SEMA6D: variants seen among roughly 807,000 people sequenced by gnomAD.
The protein encoded by SEMA6D is semaphorin 6D.
Under a neutral mutation model 106.6 loss-of-function variants are expected in SEMA6D, and 35 were observed. The ratio of observed to expected loss-of-function variants is 0.33; its 90% CI spans 0.25 to 0.44. The LOEUF (loss-of-function observed/expected upper bound fraction) is 0.44, where lower values mean the gene tolerates loss of function less well. Ranked by LOEUF, SEMA6D falls within the 20% of genes least tolerant of loss-of-function variation. SEMA6D has a pLI of 1.00. For synonymous variants in SEMA6D, 499 were observed against 487.7 expected (o/e 1.02, Z -0.31); for missense variants, 1,185 against 1,345.9 (o/e 0.88, Z 1.87).
intron 1 of SEMA6D, among the ~76,000 whole-genome samples, chr15:47,307,346 T>C (rs1052630046): frequency 3.9e-5 from 6 of 152,154 alleles, no homozygotes; most frequent in Non-Finnish European, 1.5e-5. Flanking sequence ...TGCTAGGAGC[T>C]GAAAAACCAT....
intron 3 of SEMA6D, among the ~76,000 whole-genome samples, chr15:47,529,839 T>C (rs2044895195): frequency 6.6e-6 from 1 of 152,198 alleles, no homozygotes; most frequent in Admixed American, 6.5e-5. Context: ...TAATTTTATA[T>C]GAAGGGGTGA....
At chr15:47,354,152 G>A (rs2631689) in intron 1 of SEMA6D, among the ~76,000 whole-genome samples, 69,438 of 146,400 alleles carry the variant, frequency 0.47, 19,398 homozygotes, top group South Asian at 0.62. Context: ...GAATGAAAGA[G>A]CTTATATATA....
At chr15:47,207,960 G>A (rs1895188479) in intron 1 of SEMA6D, among the ~76,000 whole-genome samples, 3 of 150,264 alleles carry the variant, frequency 2.0e-5, no homozygotes, top group African/African-American at 7.4e-5. Context: ...GGGAGTGACT[G>A]TGGAAACAGG....
chr15:47,476,354 T>C (rs1236438202), intron 3 of SEMA6D, among the ~76,000 whole-genome samples: 1 of 152,186 alleles, frequency 6.6e-6, no homozygotes, highest in Non-Finnish European at 1.5e-5. Context: ...TAAAAGCTTT[T>C]ATTTAATAAA....
chr15:47,257,176 G>A (rs576591682), intron 1 of SEMA6D, among the ~76,000 whole-genome samples: 310 of 151,506 alleles, frequency 2.0e-3, no homozygotes, highest in African/African-American at 7.3e-3. Flanking sequence ...TCCTGCCTCA[G>A]CCTCCCAAGT....
chr15:47,557,663 G>T (rs576115011), intron 3 of SEMA6D, among the ~76,000 whole-genome samples: 2 of 152,152 alleles, frequency 1.3e-5, no homozygotes, highest in South Asian at 4.1e-4. Flanking sequence ...CACAGAGAGT[G>T]TATTTGCTGG....
At position 47,389,194 on chromosome 15, in the gene SEMA6D, G is replaced by C. The variant is rs4632075; in HGVS notation, c.-238-23199G>C. Among the ~76,000 whole-genome samples, 5 of 152,056 alleles carry C rather than the reference G, an allele frequency of 3.3e-5. No homozygotes were observed. The East Asian group carries it at 9.7e-4, about 29-fold the overall frequency. On this transcript the variant is annotated intron_variant, in intron 1 of 19. Transcript: ENST00000558014. ...CGTATGTAAAATGGGAATAGTATTC[G>C]TCTCTACTTTATAGAACTGTTGTGA...
intron 4 of SEMA6D, among the ~76,000 whole-genome samples, chr15:47,644,699 C>T (rs573094059): frequency 4.3e-4 from 65 of 152,304 alleles, no homozygotes; most frequent in African/African-American, 1.3e-3. Flanking sequence ...TCTCAGACTT[C>T]CCCTCCAGAA....
intron 1 of SEMA6D, among the ~76,000 whole-genome samples, chr15:47,314,426 G>A (rs746461108): frequency 3.1e-4 from 46 of 149,910 alleles, no homozygotes; most frequent in Non-Finnish European, 5.6e-4. Context: ...GTGAAACCCC[G>A]TCTCTACTAA....
At chr15:47,235,913 G>T (rs2032510417) in intron 1 of SEMA6D, among the ~76,000 whole-genome samples, 2 of 152,030 alleles carry the variant, frequency 1.3e-5, no homozygotes, top group African/African-American at 4.8e-5. Flanking sequence ...TACTACATAA[G>T]AATTCTTTGT....
At chr15:47,750,305 C>G (rs1041297069) in intron 1 of SEMA6D, among the ~76,000 whole-genome samples, 1 of 152,212 alleles carries the variant, frequency 6.6e-6, no homozygotes, top group African/African-American at 2.4e-5. Context: ...AGGAATCCCT[C>G]TAGCCATCAG....
At chr15:47,353,026 G>A (rs562921420) in intron 1 of SEMA6D, among the ~76,000 whole-genome samples, 1 of 151,928 alleles carries the variant, frequency 6.6e-6, no homozygotes, top group East Asian at 1.9e-4. Flanking sequence ...GGTACTATTA[G>A]GGTTTTGATT....
intron 16 of SEMA6D, 119 bp downstream of exon 16, chr15:47,766,796 T>TA: frequency 1.4e-6 from 1 of 728,620 alleles, no homozygotes; most frequent in South Asian, 1.9e-5. Context: ...GCATTTAACT[T>TA]AAACTTCGCA....
chr15:47,330,510 C>G (rs1196628547), intron 1 of SEMA6D, among the ~76,000 whole-genome samples: 1 of 152,156 alleles, frequency 6.6e-6, no homozygotes, highest in Non-Finnish European at 1.5e-5. Flanking sequence ...CTAAACTTGG[C>G]TGAGGAGCTT....
chr15:47,660,095 T>C (rs1470013304), intron 4 of SEMA6D, among the ~76,000 whole-genome samples: 1 of 150,546 alleles, frequency 6.6e-6, no homozygotes, highest in Non-Finnish European at 1.5e-5. Flanking sequence ...CAAGACAAAG[T>C]AAGAATATTA....
chr15:47,461,020 C>G (rs1448041681), intron 2 of SEMA6D, among the ~76,000 whole-genome samples: 1 of 152,144 alleles, frequency 6.6e-6, no homozygotes, highest in Non-Finnish European at 1.5e-5. Flanking sequence ...CACTTCCTCT[C>G]TCTCACTCTG....
intron 4 of SEMA6D, among the ~76,000 whole-genome samples, chr15:47,708,082 G>T (rs144353298): frequency 6.6e-6 from 1 of 151,978 alleles, no homozygotes; most frequent in Non-Finnish European, 1.5e-5. Flanking sequence ...GCATTCTTAC[G>T]TCTGAAACCT....
intron 2 of SEMA6D, among the ~76,000 whole-genome samples, chr15:47,424,958 T>C (rs2041283221): frequency 6.6e-6 from 1 of 151,446 alleles, no homozygotes; most frequent in South Asian, 2.1e-4. Flanking sequence ...TTTAGGGGAG[T>C]CAAATGAGCC....
At chr15:47,541,521 G>A (rs950854773) in intron 3 of SEMA6D, among the ~76,000 whole-genome samples, 2 of 152,180 alleles carry the variant, frequency 1.3e-5, no homozygotes, top group African/African-American at 4.8e-5. Context: ...CATTTTCTAT[G>A]TAGTAAGATG....
Sources: allele counts gnomAD v4.1 joint callset (sites outside exome capture counted in the v4.1 genomes callset), GRCh38; gene constraint gnomAD v4.1.1; transcripts MANE v1.5; gene names NCBI Gene and HGNC (gene_info 2026-07-23, HGNC 2026-07-21).